LPP: variants seen among roughly 807,000 people sequenced by gnomAD.
The protein encoded by LPP is lipoma-preferred partner.
LPP carries 38 observed loss-of-function variants against 60.4 expected under a neutral mutation model. The observed-to-expected ratio is 0.63, with a 90% CI of 0.49 to 0.83. The LOEUF (loss-of-function observed/expected upper bound fraction) is 0.83, where lower values mean the gene tolerates loss of function less well. Ranked by LOEUF, LPP falls within the 40% of genes least tolerant of loss-of-function variation. The probability of loss-of-function intolerance (pLI) is 0.00; values close to 1 mark genes in which losing one functional copy is unlikely to be tolerated. For missense variants in LPP, 902 were observed against 783.6 expected (o/e 1.15, Z -1.80); for synonymous variants, 328 against 290.8 (o/e 1.13, Z -1.30).
At chr3:188,364,806 G>A (rs1161440430) in intron 3 of LPP, among the ~76,000 whole-genome samples, 2 of 152,172 alleles carry the variant, frequency 1.3e-5, no homozygotes, top group Non-Finnish European at 2.9e-5. Flanking sequence ...GCCTGTTATT[G>A]TAGGTGGGAC....
At chr3:188,194,080 G>A (rs1728886295) in intron 1 of LPP, among the ~76,000 whole-genome samples, 1 of 152,174 alleles carries the variant, frequency 6.6e-6, no homozygotes, top group Non-Finnish European at 1.5e-5. Context: ...AAAAATCAGG[G>A]TGCTGAATGG....
chr3:188,526,676 T>C (rs1371891865), intron 6 of LPP, among the ~76,000 whole-genome samples: 1 of 152,190 alleles, frequency 6.6e-6, no homozygotes, highest in Non-Finnish European at 1.5e-5. Flanking sequence ...CAAAATATAC[T>C]ACCACTTAGC....
At chr3:188,514,378 A>G (rs1816707545) in intron 5 of LPP, among the ~76,000 whole-genome samples, 1 of 151,970 alleles carries the variant, frequency 6.6e-6, no homozygotes, top group South Asian at 2.1e-4. Context: ...AACCATGTAC[A>G]TCATCTTTTT....
At chr3:188,316,703 C>T (rs1366046975) in intron 2 of LPP, among the ~76,000 whole-genome samples, 1 of 152,192 alleles carries the variant, frequency 6.6e-6, no homozygotes. Flanking sequence ...TCCTATGTCT[C>T]ATTTAAAAAC....
At chr3:188,653,180 C>A (rs6767015) in intron 7 of LPP, among the ~76,000 whole-genome samples, 128,665 of 152,206 alleles carry the variant, frequency 0.85, 56,767 homozygotes, top group Non-Finnish European at 0.96. Flanking sequence ...TCTGATCTTA[C>A]TGCTTCAGTT....
intron 2 of LPP, among the ~76,000 whole-genome samples, chr3:188,240,869 T>A (rs531537206): frequency 6.6e-6 from 1 of 152,314 alleles, no homozygotes; most frequent in African/African-American, 2.4e-5. Context: ...ATTGGCTATA[T>A]TAAAGTAATG....
chr3:188,830,790 C>T (rs1756962566), intron 9 of LPP, among the ~76,000 whole-genome samples: 1 of 152,086 alleles, frequency 6.6e-6, no homozygotes, highest in South Asian at 2.1e-4. Context: ...TTTCCTATTA[C>T]ATAGTAAGAA....
intron 7 of LPP, among the ~76,000 whole-genome samples, chr3:188,673,334 C>CAAA (rs1857334002): frequency 6.6e-6 from 1 of 151,382 alleles, no homozygotes; most frequent in African/African-American, 2.4e-5. Context: ...CAAATAACAA[C>CAAA]AACAACAAAC....
intron 3 of LPP, among the ~76,000 whole-genome samples, chr3:188,371,857 C>T (rs1221370020): frequency 6.6e-6 from 1 of 150,872 alleles, no homozygotes; most frequent in East Asian, 1.9e-4. Flanking sequence ...GGGGTTTCGC[C>T]ATGTTGGCCA....
chr3:188,489,169 T>C (rs891832142), intron 5 of LPP, among the ~76,000 whole-genome samples: 3 of 152,186 alleles, frequency 2.0e-5, no homozygotes, highest in Non-Finnish European at 4.4e-5. Flanking sequence ...GTAATTATGA[T>C]AGGTGAGGCA....
intron 2 of LPP, among the ~76,000 whole-genome samples, chr3:188,240,955 A>T (rs552856454): frequency 6.6e-6 from 1 of 152,298 alleles, no homozygotes; most frequent in East Asian, 1.9e-4. Context: ...CCTTAACTAT[A>T]TGATTCTTTT....
At chr3:188,593,676 C>T (rs1839408620) in intron 6 of LPP, among the ~76,000 whole-genome samples, 3 of 152,254 alleles carry the variant, frequency 2.0e-5, no homozygotes, top group South Asian at 2.1e-4. Context: ...TCCCACATAT[C>T]AGTGAGAACA....
intron 9 of LPP, among the ~76,000 whole-genome samples, chr3:188,785,476 T>C (rs1480826926): frequency 2.0e-5 from 1 of 50,304 alleles, no homozygotes; most frequent in Non-Finnish European, 3.4e-5. Context: ...TATTCCATCA[T>C]ATATATATAT....
intron 2 of LPP, among the ~76,000 whole-genome samples, chr3:188,299,289 CG>C: frequency 6.6e-6 from 1 of 152,252 alleles, no homozygotes; most frequent in Non-Finnish European, 1.5e-5. Flanking sequence ...GGGAGCACGT[CG>C]TCAGTAAATT....
intron 8 of LPP, among the ~76,000 whole-genome samples, chr3:188,714,425 A>C (rs1469504751): frequency 6.6e-6 from 1 of 152,194 alleles, no homozygotes; most frequent in East Asian, 1.9e-4. Flanking sequence ...TACATTAGGA[A>C]GACCGTCTAC....
intron 5 of LPP, among the ~76,000 whole-genome samples, chr3:188,521,039 G>C (rs765725370): frequency 1.4e-4 from 21 of 152,094 alleles, no homozygotes; most frequent in South Asian, 4.1e-4. Context: ...CTACAGATTC[G>C]TGGCAGGACT....
At chr3:188,390,926 C>T (rs75459396) in intron 3 of LPP, among the ~76,000 whole-genome samples, 1,549 of 152,240 alleles carry the variant, frequency 0.01, 30 homozygotes, top group African/African-American at 0.035. Context: ...TTTTTCTCCT[C>T]GAGGCTTTCT....
chr3:188,524,581 C>T, intron 5 of LPP, 84 bp from the exon 6 acceptor site: 1 of 1,423,302 alleles, frequency 7.0e-7, no homozygotes, highest in Non-Finnish European at 9.4e-7. Flanking sequence ...TTGGACAAAG[C>T]CACATTATAA....
chr3:188,461,034 G>A (rs1315683703), intron 4 of LPP, among the ~76,000 whole-genome samples: 1 of 152,208 alleles, frequency 6.6e-6, no homozygotes, highest in Non-Finnish European at 1.5e-5. Flanking sequence ...ACCAGAGGAA[G>A]ACTTAGAGGA....
Sources: allele counts gnomAD v4.1 joint callset (sites outside exome capture counted in the v4.1 genomes callset), GRCh38; gene constraint gnomAD v4.1.1; transcripts MANE v1.5; gene names NCBI Gene and HGNC (gene_info 2026-07-23, HGNC 2026-07-21).